Variants in DDX46 observed in about 807,000 individuals in gnomAD.
The protein encoded by DDX46 is DEAD-box helicase 46.
A neutral mutation model predicts 134.9 loss-of-function variants in DDX46; 30 were observed. That is an observed-to-expected ratio of 0.22 (90% CI 0.17 to 0.30). The LOEUF (loss-of-function observed/expected upper bound fraction) is 0.30, where lower values mean the gene tolerates loss of function less well. DDX46 is among the 10% of genes least tolerant of loss of function. DDX46 has a pLI of 1.00. For synonymous variants in DDX46, 415 were observed against 404.1 expected, an observed-to-expected ratio of 1.03 and a Z score of -0.32; for missense variants, 622 against 1,248.7, an observed-to-expected ratio of 0.50 and a Z score of 7.56.
At chr5:134,781,892 G>A in intron 7 of DDX46, 29 bp from the exon 8 acceptor site, 2 of 1,586,616 alleles carry the variant, frequency 1.3e-6, no homozygotes, top group Non-Finnish European at 1.7e-6. Context: ...AATGAACTTA[G>A]CGCTTTAATT....
In DDX46 at chr5:134,830,592, C is replaced by G. The variant is rs1755713225; in HGVS notation, c.*1886C>G. The G allele has an allele frequency of 6.6e-6, 1 of 152,240 alleles. No individual in the cohort carries two copies. The highest frequency in any genetic ancestry group is 2.4e-5 in the African/African-American group (1 of 41,434). 9.4% of individuals were successfully genotyped at this position (152,240 alleles called of 1,614,324 possible). On this transcript the variant is annotated 3_prime_UTR_variant, in exon 23 of 23. Transcript: ENST00000452510. Reference sequence around the variant, plus strand: ...GGCTGAAGTGATAGGGAGTATTAATCATTATTTCTTCAGTATAAAGTTATT... The same window carrying G: ...GGCTGAAGTGATAGGGAGTATTAATGATTATTTCTTCAGTATAAAGTTATT...
intron 15 of DDX46, among the ~76,000 whole-genome samples, chr5:134,797,464 G>C (rs1754700878): frequency 6.6e-6 from 1 of 152,184 alleles, no homozygotes; most frequent in Non-Finnish European, 1.5e-5. Flanking sequence ...TTGACTAGGA[G>C]CTCAGTTAGA....
intron 18 of DDX46, 113 bp from the exon 19 acceptor site, chr5:134,816,317 C>A: frequency 1.0e-6 from 1 of 965,276 alleles, no homozygotes. Flanking sequence ...GTAAATATAA[C>A]TATCTGATTC....
Position 134,773,809 on chromosome 5 carries a change from G to A in DDX46, c.561G>A (p.Lys187=). ...TGGAAAACATAGGAGAACTGAAAAA[G>A]GAAATCGAAGAGATGAAACAAGGGA... ...KAMENIGELK[K]EIEEMKQGKK... The change falls in exon 5 of 23, where the codon AAG becomes AAA. Residue 187 remains lysine (K), a synonymous_variant. Transcript: ENST00000452510. 2 of 1,612,214 alleles carry A rather than the reference G, an allele frequency of 1.2e-6. No individual in the cohort carries two copies. The highest frequency in any genetic ancestry group is 2.2e-5 in the East Asian group (1 of 44,788).
intron 1 of DDX46, among the ~76,000 whole-genome samples, chr5:134,761,930 T>A (rs1251329698): frequency 6.6e-6 from 1 of 152,106 alleles, no homozygotes; most frequent in Admixed American, 6.6e-5. Context: ...TCCCTTTGTT[T>A]GGTTTGTTCT....
intron 11 of DDX46, 57 bp downstream of exon 11, chr5:134,785,643 A>G (rs1291491851): frequency 1.3e-5 from 20 of 1,548,066 alleles, no homozygotes; most frequent in South Asian, 6.2e-5. Flanking sequence ...GGATGATTCA[A>G]TAAAGTAAAA....
intron 3 of DDX46, among the ~76,000 whole-genome samples, chr5:134,767,863 T>G (rs953177400): frequency 6.6e-6 from 1 of 151,114 alleles, no homozygotes; most frequent in Non-Finnish European, 1.5e-5. Context: ...GGCCGGAGAA[T>G]CGCTTGAACC....
In DDX46 at chr5:134,758,899, C is replaced by G; in HGVS notation, c.-40C>G. On this transcript the variant is annotated 5_prime_UTR_variant, in exon 1 of 23. Coordinates refer to ENST00000452510, the MANE Select transcript of DDX46 (RefSeq NM_001300860.2). Reference sequence around the variant, plus strand: ...TCCTTGTTTGTCCGGTTCGCCTGTGCGTGGTACTCAAGGGCACCAGTATTC... The same window carrying G: ...TCCTTGTTTGTCCGGTTCGCCTGTGGGTGGTACTCAAGGGCACCAGTATTC... 1 of 1,613,586 alleles carries G rather than the reference C, an allele frequency of 6.2e-7. No homozygotes were observed. Among genetic ancestry groups the G allele is most frequent in the Non-Finnish European group, 8.5e-7 (1 of 1,179,866 alleles).
chr5:134,811,291 T>C lies in DDX46; in HGVS notation c.2219T>C (p.Leu740Ser). 6.2e-7 allele frequency: 1 copy of C among 1,614,090 alleles called. No homozygotes were observed. The highest frequency in any genetic ancestry group is 8.5e-7 in the Non-Finnish European group (1 of 1,179,976). ...GGTGACATAATTAAAGCTCTTGAATTGTCAGGGACTGCAGTACCTCCTGAT... is the reference window on the plus strand; with the variant it reads ...GGTGACATAATTAAAGCTCTTGAATCGTCAGGGACTGCAGTACCTCCTGAT... ...YAGDIIKALE[L>S]SGTAVPPDLE... is the part of the protein sequence containing the mutation. Residue 740 changes from leucine to serine, a missense_variant, in exon 17 of 23, where the codon TTG (leucine) becomes TCG (serine). Physicochemically the swap from Leu to Ser is moderately radical, Grantham distance 145. This residue lies in a region of DDX46 where 209 missense variants were observed against 508.4 expected (regional missense o/e 0.41). Coordinates refer to ENST00000452510, the MANE Select transcript of DDX46 (RefSeq NM_001300860.2).
intron 1 of DDX46, among the ~76,000 whole-genome samples, chr5:134,763,538 C>T (rs1315244968): frequency 1.3e-5 from 2 of 152,126 alleles, no homozygotes; most frequent in East Asian, 3.8e-4. Flanking sequence ...CCTTTATTTC[C>T]TCCAAGCCTC....
At chr5:134,819,120 T>C (rs2150160022) in intron 21 of DDX46, 116 bp downstream of exon 21, 1 of 1,105,148 alleles carries the variant, frequency 9.0e-7, no homozygotes, top group East Asian at 2.9e-5. Context: ...AAGAAACACC[T>C]CTGAAAACAA....
intron 1 of DDX46, 116 bp downstream of exon 1, chr5:134,759,071 G>C: frequency 6.8e-7 from 1 of 1,478,686 alleles, no homozygotes; most frequent in Non-Finnish European, 9.1e-7. Context: ...TGCGGTCAGC[G>C]CTGCCCCGCG....
At chr5:134,803,920 T>TC (rs200056135) in intron 15 of DDX46, among the ~76,000 whole-genome samples, 10 of 95,714 alleles carry the variant, frequency 1.0e-4, no homozygotes, top group East Asian at 5.4e-4. Context: ...TGATTCTTCT[T>TC]TTTTTTTTTT....
At chr5:134,771,093 T>C (rs867639356) in intron 4 of DDX46, 94 bp downstream of exon 4, 2 of 540,924 alleles carry the variant, frequency 3.7e-6, no homozygotes, top group Non-Finnish European at 6.5e-6. Context: ...TTCTTTCTCT[T>C]TCTTTCTTTC....
In DDX46 at chr5:134,784,406, A is replaced by G; in HGVS notation, c.1207A>G (p.Ile403Val). 6.2e-7 allele frequency: 1 copy of G among 1,613,436 alleles called. No homozygotes were observed. The highest frequency in any genetic ancestry group is 1.7e-5 in the Admixed American group (1 of 59,766). Residue 403 changes from isoleucine to valine, a missense_variant, in exon 10 of 23, where the codon ATT (isoleucine) becomes GTT (valine). Physicochemically the swap from Ile to Val is conservative, Grantham distance 29 (BLOSUM62 3). Around this residue, in one of 8 missense-constraint regions of DDX46, gnomAD observed 209 missense variants for 508.4 expected, o/e 0.41. Coordinates refer to ENST00000452510, the MANE Select transcript of DDX46 (RefSeq NM_001300860.2). ...GCCCACGCCCATCCAAACCCAAGCT[A>G]TTCCTGCTATAATGTCTGGACGAGA... ...EKPTPIQTQA[I>V]PAIMSGRDLI...
intron 1 of DDX46, 104 bp from the exon 2 acceptor site, chr5:134,763,800 G>A (rs1338085273): frequency 2.4e-5 from 31 of 1,303,868 alleles, no homozygotes; most frequent in South Asian, 1.9e-4. Flanking sequence ...AAAGTTCTTT[G>A]AGTGTTAAAT....
Position 134,807,932 on chromosome 5 carries a change from A to G in DDX46, c.2139A>G (p.Ala713=), listed in dbSNP as rs1755035166. The G allele has an allele frequency of 6.3e-7, 1 of 1,587,724 alleles. No individual in the cohort carries two copies. ...ACAGAGCAGGGCGGACTGGAAGAGC[A>G]GGAAACAAGGTAAAAATAAGTTTTT... ...YVHRAGRTGR[A]GNKGYAYTFI... The change falls in exon 16 of 23, where the codon GCA becomes GCG. Residue 713 remains alanine, a synonymous_variant. Coordinates refer to ENST00000452510, the MANE Select transcript of DDX46 (RefSeq NM_001300860.2).
intron 1 of DDX46, among the ~76,000 whole-genome samples, chr5:134,759,926 TC>T (rs1487397671): frequency 1.3e-5 from 2 of 152,252 alleles, no homozygotes; most frequent in African/African-American, 4.8e-5. Context: ...TTTATTTGAC[TC>T]ATTCTTCTCT....
intron 18 of DDX46, among the ~76,000 whole-genome samples, chr5:134,812,745 T>C (rs1287571094): frequency 7.9e-5 from 12 of 151,424 alleles, no homozygotes; most frequent in South Asian, 2.1e-4. Context: ...TCAAGCGATT[T>C]TCCTGTTTCA....
Sources: allele counts gnomAD v4.1 joint callset (sites outside exome capture counted in the v4.1 genomes callset), GRCh38; gene constraint gnomAD v4.1.1; regional missense constraint gnomAD v4.1.1; transcripts MANE v1.5; gene names NCBI Gene and HGNC (gene_info 2026-07-23, HGNC 2026-07-21).